ACSM3: variants seen among roughly 807,000 people sequenced by gnomAD.
ACSM3 encodes the protein acyl-CoA synthetase medium chain family member 3.
ACSM3 carries 61 observed loss-of-function variants against 74.1 expected under a neutral mutation model. That is an observed-to-expected ratio of 0.82 (90% CI 0.67 to 1.02). ACSM3 has a LOEUF of 1.02. Ranked by LOEUF, ACSM3 falls within the 50% of genes least tolerant of loss-of-function variation. ACSM3 has a pLI of 0.00. For synonymous variants in ACSM3, 213 were observed against 241.5 expected, an observed-to-expected ratio of 0.88 and a Z score of 1.09; for missense variants, 660 against 697.0, an observed-to-expected ratio of 0.95 and a Z score of 0.60.
At chr16:20,758,674 T>C (rs1477075513) in intron 3 of ACSM3, among the ~76,000 whole-genome samples, 2 of 152,040 alleles carry the variant, frequency 1.3e-5, no homozygotes, top group African/African-American at 4.8e-5. Flanking sequence ...TCTGCTAGCT[T>C]TTGAATGTGT....
chr16:20,678,898 T>C (rs2079374568), intron 1 of ACSM3, among the ~76,000 whole-genome samples: 2 of 152,014 alleles, frequency 1.3e-5, no homozygotes, highest in South Asian at 2.1e-4. Context: ...ATTCCCCCTC[T>C]GAGATTTTGT....
intron 12 of ACSM3, among the ~76,000 whole-genome samples, chr16:20,795,119 GACAC>G (rs1009644010): frequency 6.6e-6 from 1 of 151,840 alleles, no homozygotes; most frequent in East Asian, 1.9e-4. Context: ...TATATCCATA[GACAC>G]ACACACACAC....
At chr16:20,729,270 T>C in intron 1 of ACSM3, 3 of 1,278,900 alleles carry the variant, frequency 2.3e-6, no homozygotes, top group Non-Finnish European at 3.4e-6. Context: ...AGGGGAGATT[T>C]TTATGTCACT....
At chr16:20,691,686 C>T (rs1384833273) in intron 1 of ACSM3, among the ~76,000 whole-genome samples, 1 of 151,160 alleles carries the variant, frequency 6.6e-6, no homozygotes, top group African/African-American at 2.4e-5. Flanking sequence ...TTGATTGGTC[C>T]AGGGTTGAGC....
chr16:20,734,575 T>G (rs533460764), intron 1 of ACSM3: 1 of 152,328 alleles, frequency 6.6e-6, no homozygotes, highest in East Asian at 1.9e-4. Context: ...CCTAACATTT[T>G]TAGGATTTCC....
Position 20,741,557 on chromosome 16 carries a change from G to A in ACSM3, c.-189-8353G>A, listed in dbSNP as rs765879442. ...CGCCGTATTCGTTGAGGAGGCTGTA[G>A]GCCTCCTCCACGCACTTGCGCTCGT... On this transcript the variant is annotated intron_variant, in intron 1 of 3. Coordinates refer to the ACSM3 transcript ENST00000561584. The A allele has an allele frequency of 3.8e-5, 61 of 1,584,712 alleles. 2 individuals are homozygous for A. In the South Asian group the frequency reaches 6.2e-4, roughly 16 times the overall value.
At chr16:20,734,661 A>G (rs890235548) in intron 1 of ACSM3, 40 of 152,338 alleles carry the variant, frequency 2.6e-4, no homozygotes, top group Admixed American at 2.6e-4. Flanking sequence ...TAATCTGGAC[A>G]GTTAATTTTG....
intron 1 of ACSM3, chr16:20,735,770 G>A (rs2079863785): frequency 6.6e-6 from 1 of 152,228 alleles, no homozygotes; most frequent in Non-Finnish European, 1.5e-5. Flanking sequence ...ATCCTGGATA[G>A]AGAAGCTGCT....
chr16:20,788,505 T>G (rs528112611), intron 9 of ACSM3, among the ~76,000 whole-genome samples: 2 of 152,348 alleles, frequency 1.3e-5, no homozygotes, highest in African/African-American at 4.8e-5. Context: ...CAGTCATTTT[T>G]AACTCTTTTC....
At chr16:20,675,095 G>T (rs979204077) in intron 1 of ACSM3, among the ~76,000 whole-genome samples, 4 of 152,208 alleles carry the variant, frequency 2.6e-5, no homozygotes, top group African/African-American at 9.6e-5. Flanking sequence ...GTGTGTGGGT[G>T]TGTGCGGACC....
intron 11 of ACSM3, 50 bp from the exon 12 acceptor site, chr16:20,792,186 G>C (rs774999319): frequency 5.0e-6 from 8 of 1,613,814 alleles, no homozygotes; most frequent in Non-Finnish European, 6.8e-6. Flanking sequence ...CAGTGTTCTA[G>C]AGTGAACCTG....
intron 1 of ACSM3, among the ~76,000 whole-genome samples, chr16:20,743,045 A>AT (rs1226907080): frequency 1.4e-5 from 2 of 145,156 alleles, no homozygotes; most frequent in African/African-American, 5.2e-5. Flanking sequence ...GGTTCACCCC[A>AT]TTCTCCTGCC....
At chr16:20,743,027 G>A (rs1053292700) in intron 1 of ACSM3, among the ~76,000 whole-genome samples, 4 of 147,062 alleles carry the variant, frequency 2.7e-5, no homozygotes, top group Admixed American at 6.9e-5. Flanking sequence ...TGCAAGCTCC[G>A]CCTCCCAGGT....
Position 20,781,680 on chromosome 16 carries a change from C to A in ACSM3, c.940-28C>A. The A allele has an allele frequency of 2.6e-6, 4 of 1,552,894 alleles. No individual in the cohort carries two copies. In the African/African-American group the frequency reaches 4.1e-5, roughly 16 times the overall value. On this transcript the variant is annotated intron_variant, in intron 6 of 13. Coordinates refer to ENST00000289416, the MANE Select transcript of ACSM3 (RefSeq NM_005622.4). Reference sequence around the variant, plus strand: ...AGCACTTATTTAAGTTGTAGTAAGACCAAGAGTTTGCTTTTTCTAAATTGC... The same window carrying A: ...AGCACTTATTTAAGTTGTAGTAAGAACAAGAGTTTGCTTTTTCTAAATTGC...
chr16:20,730,103 G>A (rs2079821390), intron 1 of ACSM3, among the ~76,000 whole-genome samples: 1 of 152,114 alleles, frequency 6.6e-6, no homozygotes, highest in Non-Finnish European at 1.5e-5. Flanking sequence ...TATGCTGATC[G>A]GCCAGACTTG....
intron 2 of ACSM3, among the ~76,000 whole-genome samples, chr16:20,775,033 C>G (rs2080238987): frequency 6.6e-6 from 1 of 152,104 alleles, no homozygotes; most frequent in South Asian, 2.1e-4. Context: ...TCTTGATGTG[C>G]TGGACTCCCT....
chr16:20,765,802 C>T (rs546156631), intron 1 of ACSM3, among the ~76,000 whole-genome samples: 1 of 152,176 alleles, frequency 6.6e-6, no homozygotes, highest in East Asian at 1.9e-4. Flanking sequence ...TAATAAATAA[C>T]TGCAAAATGC....
At chr16:20,705,501 A>AAGAG (rs962143792) in intron 1 of ACSM3, among the ~76,000 whole-genome samples, 3 of 152,068 alleles carry the variant, frequency 2.0e-5, no homozygotes, top group African/African-American at 7.2e-5. Flanking sequence ...GAAAAATTTC[A>AAGAG]AGAGAGAGAG....
intron 1 of ACSM3, among the ~76,000 whole-genome samples, chr16:20,745,248 C>T (rs1017928181): frequency 1.3e-5 from 2 of 152,150 alleles, no homozygotes; most frequent in Non-Finnish European, 2.9e-5. Context: ...CAGTGTCTAT[C>T]CTTAGACACC....
Sources: allele counts gnomAD v4.1 joint callset (sites outside exome capture counted in the v4.1 genomes callset), GRCh38; gene constraint gnomAD v4.1.1; transcripts MANE v1.5; gene names NCBI Gene and HGNC (gene_info 2026-07-23, HGNC 2026-07-21).